The following GALNT10 variants were observed in gnomAD, a reference collection of about 807,000 sequenced individuals.
GALNT10 encodes polypeptide N-acetylgalactosaminyltransferase 10.
A neutral mutation model predicts 75.0 loss-of-function variants in GALNT10; 41 were observed. The ratio of observed to expected loss-of-function variants is 0.55; its 90% CI spans 0.43 to 0.71. GALNT10 has a LOEUF of 0.71. GALNT10 is among the 30% of genes least tolerant of loss of function. GALNT10 has a pLI of 0.00. For synonymous variants in GALNT10, 302 were observed against 313.0 expected, an observed-to-expected ratio of 0.96 and a Z score of 0.37; for missense variants, 727 against 818.5, an observed-to-expected ratio of 0.89 and a Z score of 1.36.
At position 154,268,571 on chromosome 5, in the gene GALNT10, T is replaced by A. The variant is rs77883541; in HGVS notation, c.160-26245T>A. The stretch of plus-strand genomic sequence containing the variant: ...TAACAATTTAGGATATCCTTAAGTT[T>A]ATAAAGATGGCAAAAGAATATTAAA... On this transcript the variant is annotated intron_variant, in intron 1 of 11. Transcript: ENST00000297107. Among the ~76,000 whole-genome samples, 46 of 152,338 alleles carry A rather than the reference T, an allele frequency of 3.0e-4. No homozygotes were observed. In the East Asian group the frequency reaches 8.7e-3, roughly 29 times the overall value.
chr5:154,208,563 C>T (rs1234080546), intron 1 of GALNT10, among the ~76,000 whole-genome samples: 1 of 152,142 alleles, frequency 6.6e-6, no homozygotes, highest in African/African-American at 2.4e-5. Flanking sequence ...TAAAGGAATT[C>T]ACATACACAA....
At chr5:154,314,495 G>C (rs1424386962) in intron 3 of GALNT10, among the ~76,000 whole-genome samples, 2 of 152,032 alleles carry the variant, frequency 1.3e-5, no homozygotes, top group Non-Finnish European at 2.9e-5. Context: ...TGAGAGTCAG[G>C]CTTTCCAGAC....
At chr5:154,346,272 G>GAT (rs572794415) in intron 4 of GALNT10, among the ~76,000 whole-genome samples, 1 of 152,030 alleles carries the variant, frequency 6.6e-6, no homozygotes, top group Non-Finnish European at 1.5e-5. Context: ...TGGCAGTACA[G>GAT]ATATCTCTTA....
chr5:154,354,480 G>C (rs1755258882), intron 4 of GALNT10, among the ~76,000 whole-genome samples: 1 of 152,192 alleles, frequency 6.6e-6, no homozygotes, highest in Non-Finnish European at 1.5e-5. Context: ...CGTAGACAGA[G>C]AGAAAAGGAA....
intron 1 of GALNT10, among the ~76,000 whole-genome samples, chr5:154,269,313 A>G (rs1275486710): frequency 2.0e-5 from 3 of 152,128 alleles, no homozygotes; most frequent in Non-Finnish European, 2.9e-5. Flanking sequence ...CTTTCCAAGA[A>G]TTTTCTACTA....
intron 1 of GALNT10, among the ~76,000 whole-genome samples, chr5:154,211,683 T>C (rs906145069): frequency 6.6e-6 from 1 of 152,208 alleles, no homozygotes; most frequent in Non-Finnish European, 1.5e-5. Flanking sequence ...GCTATCAAGA[T>C]GTTGGCCAGT....
intron 7 of GALNT10, 191 bp downstream of exon 7, chr5:154,386,621 G>GGGGGGCCGGC: frequency 2.6e-6 from 1 of 387,274 alleles, no homozygotes; most frequent in Non-Finnish European, 5.0e-6. Flanking sequence ...GTGTGGGAGG[G>GGGGGGCCGGC]AAGGGGAGTA....
intron 3 of GALNT10, among the ~76,000 whole-genome samples, chr5:154,321,132 C>T (rs1754666280): frequency 6.6e-6 from 1 of 152,210 alleles, no homozygotes; most frequent in Non-Finnish European, 1.5e-5. Flanking sequence ...TACTTGATCA[C>T]ATCTCTATCT....
intron 1 of GALNT10, among the ~76,000 whole-genome samples, chr5:154,247,773 CTTCCTCTT>C (rs1753452568): frequency 1.3e-5 from 2 of 152,212 alleles, no homozygotes; most frequent in African/African-American, 4.8e-5. Context: ...GACAATTTGA[CTTCCTCTT>C]TTCCTAATTG....
At chr5:154,205,384 G>C (rs1775091021) in intron 1 of GALNT10, among the ~76,000 whole-genome samples, 1 of 152,104 alleles carries the variant, frequency 6.6e-6, no homozygotes, top group Non-Finnish European at 1.5e-5. Flanking sequence ...TTTTCCCCCT[G>C]GTTCTTAGGA....
At chr5:154,303,061 G>A (rs1754383146) in intron 3 of GALNT10, among the ~76,000 whole-genome samples, 1 of 152,066 alleles carries the variant, frequency 6.6e-6, no homozygotes, top group Admixed American at 6.5e-5. Context: ...TCACATTTGG[G>A]CCAAGATGAA....
chr5:154,319,367 T>C (rs1443385999), intron 3 of GALNT10, among the ~76,000 whole-genome samples: 1 of 152,266 alleles, frequency 6.6e-6, no homozygotes, highest in Non-Finnish European at 1.5e-5. Flanking sequence ...TTGCCAGTTT[T>C]CCTTTGAGCC....
intron 1 of GALNT10, among the ~76,000 whole-genome samples, chr5:154,290,474 A>T (rs1186511830): frequency 6.6e-6 from 1 of 152,082 alleles, no homozygotes; most frequent in Admixed American, 6.6e-5. Flanking sequence ...TATAACTGGG[A>T]TACTTTTTAA....
chr5:154,233,963 G>A (rs1753205281), intron 1 of GALNT10, among the ~76,000 whole-genome samples: 3 of 152,102 alleles, frequency 2.0e-5, no homozygotes, highest in Admixed American at 2.0e-4. Context: ...TGAAGCTTCA[G>A]AGTCCCTTCC....
At chr5:154,351,150 T>C (rs1266072690) in intron 4 of GALNT10, among the ~76,000 whole-genome samples, 2 of 152,280 alleles carry the variant, frequency 1.3e-5, no homozygotes, top group African/African-American at 2.4e-5. Context: ...TGCCAATCAA[T>C]TGATGTGCAT....
At chr5:154,253,281 T>C (rs9324767) in intron 1 of GALNT10, among the ~76,000 whole-genome samples, 97,563 of 149,706 alleles carry the variant, frequency 0.65, 32,078 homozygotes, top group East Asian at 0.86. Context: ...TCTCAGCAAA[T>C]TATCGCGAGG....
intron 1 of GALNT10, among the ~76,000 whole-genome samples, chr5:154,219,223 C>T (rs187336996): frequency 4.6e-4 from 70 of 152,352 alleles, no homozygotes; most frequent in African/African-American, 1.6e-3. Flanking sequence ...CTGGGCCTCC[C>T]TGGCCAGGTC....
In GALNT10 at chr5:154,298,550, A is replaced by G. The variant is rs1206538674; in HGVS notation, c.401+471A>G. On this transcript the variant is annotated intron_variant, in intron 3 of 11. Coordinates refer to ENST00000297107, the MANE Select transcript of GALNT10 (RefSeq NM_198321.4). The surrounding 1 kb of genome is among the most constrained non-coding windows in gnomAD (Gnocchi z 4.1). ...ATCTAACATTCTTTGAACCGGTACT[A>G]TGTGCCAAACGCTTTATTTGTATCA... Among the ~76,000 whole-genome samples the G allele has an allele frequency of 6.6e-6, 1 of 152,224 alleles. No homozygotes were observed. The highest frequency in any genetic ancestry group is 1.5e-5 in the Non-Finnish European group (1 of 68,040).
chr5:154,269,186 A>G (rs1391330850), intron 1 of GALNT10, among the ~76,000 whole-genome samples: 1 of 151,602 alleles, frequency 6.6e-6, no homozygotes, highest in African/African-American at 2.4e-5. Flanking sequence ...GGGTTTCACC[A>G]TGTTGGCCAT....
Sources: allele counts gnomAD v4.1 joint callset (sites outside exome capture counted in the v4.1 genomes callset), GRCh38; gene constraint gnomAD v4.1.1; non-coding constraint Gnocchi (gnomAD v3.1); transcripts MANE v1.5; gene names NCBI Gene and HGNC (gene_info 2026-07-23, HGNC 2026-07-21).